Variants in EPB41L2 observed in about 807,000 individuals in gnomAD.
EPB41L2 encodes the protein erythrocyte membrane protein band 4.1 like 2.
A neutral mutation model predicts 113.0 loss-of-function variants in EPB41L2; 43 were observed. That is an observed-to-expected ratio of 0.38 (90% CI 0.30 to 0.49). The LOEUF (loss-of-function observed/expected upper bound fraction) is 0.49, where lower values mean the gene tolerates loss of function less well. EPB41L2 is among the 20% of genes least tolerant of loss of function. The pLI is 0.95. For synonymous variants in EPB41L2, 442 were observed against 436.7 expected (o/e 1.01, Z -0.15); for missense variants, 1,147 against 1,223.4 (o/e 0.94, Z 0.93).
At chr6:130,971,588 T>C (rs1776791677) in intron 1 of EPB41L2, among the ~76,000 whole-genome samples, 1 of 152,212 alleles carries the variant, frequency 6.6e-6, no homozygotes, top group Non-Finnish European at 1.5e-5. Context: ...ACTGGGCAAA[T>C]GGATAATTCA....
chr6:130,954,783 C>T (rs1305989995), intron 3 of EPB41L2, among the ~76,000 whole-genome samples: 5 of 152,180 alleles, frequency 3.3e-5, no homozygotes, highest in Non-Finnish European at 5.9e-5. Context: ...CTTCTTTATT[C>T]TGAAATGTCA....
intron 1 of EPB41L2, among the ~76,000 whole-genome samples, chr6:131,023,680 G>A (rs13208091): frequency 0.15 from 19,764 of 129,430 alleles, 1,396 homozygotes; most frequent in Admixed American, 0.18. Context: ...GTGAGACTTC[G>A]TCTCAAAAAC....
intron 1 of EPB41L2, among the ~76,000 whole-genome samples, chr6:131,005,727 T>C (rs961023032): frequency 1.3e-5 from 2 of 152,212 alleles, no homozygotes; most frequent in African/African-American, 2.4e-5. Flanking sequence ...CCCACGGTCA[T>C]GCACCAAGAA....
rs2128388141 is a variant in EPB41L2, at chr6:130,840,559, A to G, written c.*45T>C. 6.6e-6 allele frequency: 1 copy of G among 150,994 alleles called. No individual in the cohort carries two copies. The highest frequency in any genetic ancestry group is 2.1e-4 in the South Asian group (1 of 4,716). The allele number at this position is 150,994 out of a possible 1,614,324, so 9.4% of individuals were successfully genotyped here. On this transcript the variant is annotated 3_prime_UTR_variant, in exon 20 of 20. Coordinates refer to ENST00000337057, the MANE Select transcript of EPB41L2 (RefSeq NM_001431.4). The stretch of plus-strand genomic sequence containing the variant: ...GACTTGGAACGGTCAAAAAATCTTC[A>G]GGGGTTCACAAAGTTGAGTGTTGTT...
At chr6:130,884,202 G>A (rs1198324251) in intron 12 of EPB41L2, among the ~76,000 whole-genome samples, 1 of 152,060 alleles carries the variant, frequency 6.6e-6, no homozygotes, top group African/African-American at 2.4e-5. Context: ...GCACGTGGTG[G>A]CAGGCGCCTG....
Position 130,870,063 on chromosome 6 carries a change from T to G in EPB41L2, c.2107A>C (p.Arg703=), listed in dbSNP as rs1785153525. ...CCATTCATTTCTTCTGTGATTACTC[T>G]TTCGTCTTTCCCAACCTCTGCCCGC... ...KKRAEVGKDE[R]VITEEMNGKE... is the part of the protein sequence containing the mutation. Residue 703 remains arginine, a synonymous_variant, in exon 15 of 20, where the codon AGA becomes CGA. Transcript: ENST00000337057. The G allele has an allele frequency of 1.2e-6, 2 of 1,613,966 alleles. No homozygotes were observed. Among genetic ancestry groups the G allele is most frequent in the Middle Eastern group, 1.6e-4 (1 of 6,084 alleles).
intron 1 of EPB41L2, among the ~76,000 whole-genome samples, chr6:131,057,642 T>C (rs1797847468): frequency 6.6e-6 from 1 of 152,194 alleles, no homozygotes; most frequent in African/African-American, 2.4e-5. Context: ...GACTTCAGAG[T>C]TGGTAATCAG....
At chr6:130,954,195 G>A (rs1297959718) in intron 3 of EPB41L2, among the ~76,000 whole-genome samples, 7 of 151,218 alleles carry the variant, frequency 4.6e-5, no homozygotes, top group African/African-American at 1.7e-4. Flanking sequence ...TGGGAATACT[G>A]GCGCCCGCCA....
intron 4 of EPB41L2, among the ~76,000 whole-genome samples, chr6:130,913,918 T>C (rs768007498): frequency 4.6e-5 from 7 of 151,870 alleles, no homozygotes; most frequent in Non-Finnish European, 1.0e-4. Flanking sequence ...ATGAGAAAAA[T>C]GCATGAGGGT....
chr6:130,989,084 G>C (rs1781229214), intron 1 of EPB41L2, among the ~76,000 whole-genome samples: 1 of 129,652 alleles, frequency 7.7e-6, no homozygotes, highest in Non-Finnish European at 1.6e-5. Context: ...GTGAGACTCT[G>C]TCTCAAAAAC....
At chr6:131,025,850 C>G (rs1256631361) in intron 1 of EPB41L2, among the ~76,000 whole-genome samples, 2 of 152,108 alleles carry the variant, frequency 1.3e-5, no homozygotes, top group Non-Finnish European at 2.9e-5. Context: ...CAATCTTGGT[C>G]CACTTCAAAT....
intron 19 of EPB41L2, among the ~76,000 whole-genome samples, chr6:130,847,355 T>A (rs1312259323): frequency 6.6e-6 from 1 of 152,190 alleles, no homozygotes; most frequent in African/African-American, 2.4e-5. Flanking sequence ...ACTATTTTTG[T>A]GCCCTGAACA....
At chr6:130,994,222 C>A (rs761280954) in intron 1 of EPB41L2, among the ~76,000 whole-genome samples, 46 of 152,232 alleles carry the variant, frequency 3.0e-4, no homozygotes, top group Non-Finnish European at 5.7e-4. Context: ...TCCAAGATGA[C>A]CCTGAGCTGT....
chr6:130,966,290 T>C (rs936928189), intron 1 of EPB41L2, among the ~76,000 whole-genome samples: 5 of 152,194 alleles, frequency 3.3e-5, no homozygotes, highest in Non-Finnish European at 4.4e-5. Context: ...AACAAAATAC[T>C]ATGCAACTGT....
chr6:130,912,092 C>T (rs1336156072), intron 4 of EPB41L2, among the ~76,000 whole-genome samples: 1 of 152,102 alleles, frequency 6.6e-6, no homozygotes, highest in Non-Finnish European at 1.5e-5. Flanking sequence ...CTAGGCTGCA[C>T]ACTCCTTATG....
At chr6:130,966,600 G>A (rs1038956463) in intron 1 of EPB41L2, among the ~76,000 whole-genome samples, 1 of 152,212 alleles carries the variant, frequency 6.6e-6, no homozygotes, top group Non-Finnish European at 1.5e-5. Context: ...TGATTATGGG[G>A]AATGGAGGGT....
At chr6:130,916,840 C>T (rs1309253608) in intron 4 of EPB41L2, among the ~76,000 whole-genome samples, 1 of 152,190 alleles carries the variant, frequency 6.6e-6, no homozygotes, top group African/African-American at 2.4e-5. Context: ...GTCCTTGGAC[C>T]ACTCTTTGAG....
chr6:130,972,622 T>C (rs574191259), intron 1 of EPB41L2, among the ~76,000 whole-genome samples: 4 of 152,046 alleles, frequency 2.6e-5, no homozygotes, highest in African/African-American at 9.6e-5. Context: ...CACTTGTGCA[T>C]TTCTACAGCT....
chr6:130,872,986 T>C (rs1298623129), intron 14 of EPB41L2, among the ~76,000 whole-genome samples: 1 of 152,140 alleles, frequency 6.6e-6, no homozygotes, highest in Non-Finnish European at 1.5e-5. Flanking sequence ...ATTCTGGGCC[T>C]TTCCAGTTTT....
Sources: allele counts gnomAD v4.1 joint callset (sites outside exome capture counted in the v4.1 genomes callset), GRCh38; gene constraint gnomAD v4.1.1; transcripts MANE v1.5; gene names NCBI Gene and HGNC (gene_info 2026-07-23, HGNC 2026-07-21).